EYS: variants seen among roughly 807,000 people sequenced by gnomAD.
The protein encoded by EYS is protein eyes shut homolog.
EYS carries 250 observed loss-of-function variants against 282.1 expected under a neutral mutation model. The ratio of observed to expected loss-of-function variants is 0.89; its 90% CI spans 0.80 to 0.98. The LOEUF (loss-of-function observed/expected upper bound fraction) is 0.98, where lower values mean the gene tolerates loss of function less well. EYS is among the 50% of genes least tolerant of loss of function. The probability of loss-of-function intolerance (pLI) is 0.00; values close to 1 mark genes in which losing one functional copy is unlikely to be tolerated. For missense variants in EYS, 4,016 were observed against 3,709.0 expected (o/e 1.08, Z -2.15); for synonymous variants, 1,355 against 1,282.9 (o/e 1.06, Z -1.20).
chr6:65,188,956 G>A (rs1370223611), intron 12 of EYS, among the ~76,000 whole-genome samples: 1 of 151,404 alleles, frequency 6.6e-6, no homozygotes, highest in African/African-American at 2.4e-5. Flanking sequence ...ATAAAATAAG[G>A]AATTTGTGTA....
chr6:65,226,562 C>A (rs1394731591), intron 12 of EYS, among the ~76,000 whole-genome samples: 2 of 152,008 alleles, frequency 1.3e-5, no homozygotes, highest in Non-Finnish European at 2.9e-5. Flanking sequence ...AAATCAAAGC[C>A]ACAGTGAGAT....
At chr6:64,601,191 A>G (rs1425717180) in intron 24 of EYS, among the ~76,000 whole-genome samples, 1 of 151,978 alleles carries the variant, frequency 6.6e-6, no homozygotes, top group Non-Finnish European at 1.5e-5. Flanking sequence ...CATTCTCCCC[A>G]GAAGCAATGT....
At chr6:64,563,547 T>C (rs996165618) in intron 26 of EYS, among the ~76,000 whole-genome samples, 1 of 152,128 alleles carries the variant, frequency 6.6e-6, no homozygotes, top group African/African-American at 2.4e-5. Flanking sequence ...CTACTAAATC[T>C]GAACCAGATC....
intron 33 of EYS, among the ~76,000 whole-genome samples, chr6:64,032,693 AT>A (rs768568153): frequency 8.5e-5 from 13 of 152,164 alleles, no homozygotes; most frequent in Non-Finnish European, 1.8e-4. Flanking sequence ...GATTTTAATA[AT>A]TTGCTATTCA....
chr6:64,151,363 A>ATTTATATATATATATATATATAT (rs1491135650), intron 31 of EYS, among the ~76,000 whole-genome samples: 1 of 62,852 alleles, frequency 1.6e-5, no homozygotes, highest in African/African-American at 7.1e-5. Context: ...ATATATATAT[A>ATTTATATATATATATATATATAT]ATTTTTTTTT....
chr6:65,631,250 GCACTTCC>G (rs1398336221), intron 2 of EYS, among the ~76,000 whole-genome samples: 2 of 152,128 alleles, frequency 1.3e-5, no homozygotes, highest in Non-Finnish European at 2.9e-5. Flanking sequence ...CAAGGTAGTT[GCACTTCC>G]TGAATTCTGT....
In EYS at chr6:65,218,802, G is replaced by A. The variant is rs191302950; in HGVS notation, c.2023+77061C>T. On this transcript the variant is annotated intron_variant, in intron 12 of 42. Coordinates refer to ENST00000503581, the MANE Select transcript of EYS (RefSeq NM_001142800.2). Reference sequence around the variant, plus strand: ...TAAATAAAATCATCTAGCCTAGAATGGAGAAAAAAATTAAAGAGGAATAAG... The same window carrying A: ...TAAATAAAATCATCTAGCCTAGAATAGAGAAAAAAATTAAAGAGGAATAAG... 2.9e-3 allele frequency among the ~76,000 whole-genome samples: 434 copies of A among 152,088 alleles called. 4 individuals are homozygous for A. Among genetic ancestry groups the A allele is most frequent in the African/African-American group, 9.9e-3 (409 of 41,506 alleles).
At chr6:64,021,473 AAAG>A (rs767361221) in intron 33 of EYS, among the ~76,000 whole-genome samples, 2 of 152,082 alleles carry the variant, frequency 1.3e-5, no homozygotes, top group Non-Finnish European at 2.9e-5. Flanking sequence ...CTGGAATAAT[AAAG>A]AAGGATACAG....
Position 63,721,324 on chromosome 6 carries a change from G to A in EYS, c.8707C>T (p.Pro2903Ser), listed in dbSNP as rs2149624814. The A allele has an allele frequency of 1.3e-6, 2 of 1,551,932 alleles. No individual in the cohort carries two copies. Among genetic ancestry groups the A allele is most frequent in the Non-Finnish European group, 8.7e-7 (1 of 1,146,996 alleles). Residue 2903 changes from proline (P) to serine (S), a missense_variant, in exon 43 of 43, where the codon CCA (proline) becomes TCA (serine). Transcript: ENST00000503581. ...NGTTFSCRCL[P>S]DWAGNTCNQS... ...TTACATGTATTTCCAGCCCAATCTG[G>A]CAAACATCTGCAAGAAAAAGTTGTG...
chr6:64,151,042 T>A (rs1294856410), intron 31 of EYS, among the ~76,000 whole-genome samples: 1 of 151,908 alleles, frequency 6.6e-6, no homozygotes, highest in Non-Finnish European at 1.5e-5. Context: ...AGGCAAATGT[T>A]CTTATATGAC....
intron 26 of EYS, among the ~76,000 whole-genome samples, chr6:64,578,971 A>G (rs527466974): frequency 5.0e-4 from 76 of 152,236 alleles, no homozygotes; most frequent in Middle Eastern, 6.8e-3. Context: ...GTATAAATAG[A>G]TTTGGGAGGC....
chr6:65,592,737 T>C (rs1373980321), intron 2 of EYS, among the ~76,000 whole-genome samples: 1 of 152,020 alleles, frequency 6.6e-6, no homozygotes, highest in African/African-American at 2.4e-5. Context: ...AAAATTAAAC[T>C]ACACATATCC....
chr6:64,995,494 T>C (rs749104519), intron 14 of EYS, among the ~76,000 whole-genome samples: 1 of 152,156 alleles, frequency 6.6e-6, no homozygotes, highest in African/African-American at 2.4e-5. Context: ...CTGAAAGCTA[T>C]GAAATGCTTT....
intron 5 of EYS, among the ~76,000 whole-genome samples, chr6:65,431,834 A>C (rs972589787): frequency 2.4e-4 from 37 of 152,302 alleles, no homozygotes; most frequent in African/African-American, 8.7e-4. Flanking sequence ...CTCATGAATA[A>C]ATAACAAAAT....
chr6:65,215,682 T>C (rs779761613), intron 12 of EYS, among the ~76,000 whole-genome samples: 1 of 152,152 alleles, frequency 6.6e-6, no homozygotes, highest in African/African-American at 2.4e-5. Context: ...CACAGAGAAA[T>C]CTTGTGTAAA....
At chr6:65,056,108 A>T (rs546193230) in intron 13 of EYS, among the ~76,000 whole-genome samples, 2 of 151,932 alleles carry the variant, frequency 1.3e-5, no homozygotes, top group South Asian at 2.1e-4. Flanking sequence ...GGACTCTTAC[A>T]TATTTATATT....
chr6:65,144,514 A>G (rs1156620613), intron 12 of EYS, among the ~76,000 whole-genome samples: 1 of 152,092 alleles, frequency 6.6e-6, no homozygotes, highest in East Asian at 1.9e-4. Flanking sequence ...AATATCTAAC[A>G]TCTGGGTTCT....
intron 1 of EYS, among the ~76,000 whole-genome samples, chr6:65,683,867 A>G (rs536074659): frequency 2.0e-3 from 305 of 152,154 alleles, no homozygotes; most frequent in Non-Finnish European, 3.2e-3. Flanking sequence ...ACCATGTATA[A>G]TTAAAGCCAA....
intron 30 of EYS, among the ~76,000 whole-genome samples, chr6:64,245,157 A>T (rs913503345): frequency 6.6e-6 from 1 of 152,138 alleles, no homozygotes; most frequent in Non-Finnish European, 1.5e-5. Flanking sequence ...GAACCAACCC[A>T]AATGTCCATC....
Sources: gnomAD v4.1 joint callset for allele counts (sites outside exome capture counted in the v4.1 genomes callset) on GRCh38, gnomAD v4.1.1 for gene constraint, MANE v1.5 for transcripts, NCBI Gene and HGNC (gene_info 2026-07-23, HGNC 2026-07-21) for gene names.